RBFOX1: variants seen among roughly 807,000 people sequenced by gnomAD.
RBFOX1 encodes RNA binding fox-1 homolog 1.
In RBFOX1, 8 loss-of-function variants were observed where a neutral mutation model predicts 57.7. The observed-to-expected ratio is 0.14, with a 90% CI of 0.08 to 0.25. The LOEUF (loss-of-function observed/expected upper bound fraction) is 0.25, where lower values mean the gene tolerates loss of function less well. Ranked by LOEUF, RBFOX1 falls within the 10% of genes least tolerant of loss-of-function variation. The pLI is 1.00. For missense variants in RBFOX1, 611 were observed against 548.5 expected (o/e 1.11, Z -1.14); for synonymous variants, 326 against 222.4 (o/e 1.47, Z -4.15).
chr16:6,436,910 T>C (rs371447840), intron 2 of RBFOX1, among the ~76,000 whole-genome samples: 1 of 152,292 alleles, frequency 6.6e-6, no homozygotes, highest in East Asian at 1.9e-4. Flanking sequence ...GGGGATTTAT[T>C]ATAAATTTTC....
At chr16:5,333,747 G>A (rs2064823721) in intron 1 of RBFOX1, among the ~76,000 whole-genome samples, 1 of 152,158 alleles carries the variant, frequency 6.6e-6, no homozygotes, top group Non-Finnish European at 1.5e-5. Flanking sequence ...GCTATATTAT[G>A]GTGTACTTAT....
rs539566717 is a variant in RBFOX1 at position 6,553,614 on chromosome 16, G to A, written c.-63-100989G>A. Among the ~76,000 whole-genome samples, 16 of 152,302 alleles carry A rather than the reference G, an allele frequency of 1.1e-4. 1 individual carries two copies. In the South Asian group the frequency reaches 3.3e-3, roughly 32 times the overall value. The stretch of plus-strand genomic sequence containing the variant: ...CTCACAAGTTGCCATGGAGGTGAGA[G>A]TAGACGCGGTGGGGATGGACGATCT... On this transcript the variant is annotated intron_variant, in intron 2 of 15. Transcript: ENST00000550418.
At chr16:5,888,092 C>T (rs538407854) in intron 4 of RBFOX1, among the ~76,000 whole-genome samples, 5 of 152,194 alleles carry the variant, frequency 3.3e-5, no homozygotes, top group Non-Finnish European at 7.3e-5. Flanking sequence ...GCTGGCCTCA[C>T]CACCTTCCTC....
At chr16:5,290,246 C>A (rs1324738009) in intron 1 of RBFOX1, among the ~76,000 whole-genome samples, 2 of 152,178 alleles carry the variant, frequency 1.3e-5, no homozygotes, top group Admixed American at 6.5e-5. Flanking sequence ...CCTCTAATCC[C>A]AGCTACTTGG....
At chr16:5,705,207 T>A (rs77769842) in intron 3 of RBFOX1, among the ~76,000 whole-genome samples, 1 of 152,174 alleles carries the variant, frequency 6.6e-6, no homozygotes, top group Admixed American at 6.5e-5. Flanking sequence ...TTCATATTCT[T>A]TCCATCAGCA....
intron 2 of RBFOX1, among the ~76,000 whole-genome samples, chr16:6,648,460 C>T (rs982119344): frequency 2.0e-5 from 3 of 152,000 alleles, no homozygotes; most frequent in African/African-American, 4.8e-5. Context: ...GCTGAAGGAC[C>T]GCATGGTTAT....
chr16:6,975,354 C>T (rs532848553), intron 3 of RBFOX1, among the ~76,000 whole-genome samples: 1 of 152,250 alleles, frequency 6.6e-6, no homozygotes, highest in African/African-American at 2.4e-5. Context: ...CAATCTCCGA[C>T]TCCTGGGTTC....
At chr16:5,867,647 C>T (rs902065645) in intron 4 of RBFOX1, among the ~76,000 whole-genome samples, 8 of 152,146 alleles carry the variant, frequency 5.3e-5, no homozygotes, top group African/African-American at 1.9e-4. Flanking sequence ...CCTCCACTGT[C>T]TGTATTATAT....
intron 4 of RBFOX1, among the ~76,000 whole-genome samples, chr16:5,971,356 A>G (rs111809409): frequency 6.6e-6 from 1 of 152,218 alleles, no homozygotes; most frequent in African/African-American, 2.4e-5. Flanking sequence ...GAGGAAGTTC[A>G]TAGAAGGTGT....
chr16:7,693,599 G>A (rs531895886), intron 14 of RBFOX1, among the ~76,000 whole-genome samples: 2 of 151,906 alleles, frequency 1.3e-5, no homozygotes, highest in Non-Finnish European at 2.9e-5. Context: ...AATAATACAT[G>A]GTCCAGAAAA....
chr16:5,819,186 C>G (rs1333654831), intron 3 of RBFOX1, among the ~76,000 whole-genome samples: 1 of 152,190 alleles, frequency 6.6e-6, no homozygotes, highest in Admixed American at 6.5e-5. Context: ...AAGGTGTCAG[C>G]AGCTTCAGTG....
intron 4 of RBFOX1, among the ~76,000 whole-genome samples, chr16:7,247,316 C>G (rs1265241317): frequency 1.3e-5 from 2 of 152,300 alleles, no homozygotes; most frequent in Admixed American, 6.5e-5. Context: ...GCAAGTCTCA[C>G]AGACACACCC....
At chr16:7,213,130 C>T (rs994893261) in intron 4 of RBFOX1, among the ~76,000 whole-genome samples, 38 of 152,224 alleles carry the variant, frequency 2.5e-4, no homozygotes, top group African/African-American at 8.9e-4. Context: ...ATAGGTTATC[C>T]AGACCCTGAA....
rs943290610 is a variant in RBFOX1, at chr16:5,954,275, A to G, written c.351+86940A>G. The stretch of plus-strand genomic sequence containing the variant: ...CCTTGTGACAGACCCCCACCCACCC[A>G]CCTCTGGAGAGATGGACAGGCCCTC... On this transcript the variant is annotated intron_variant, in intron 4 of 19. Coordinates refer to the RBFOX1 transcript ENST00000641259. Among the ~76,000 whole-genome samples, 3 of 151,782 alleles carry G rather than the reference A, an allele frequency of 2.0e-5. 1 individual carries two copies. The highest frequency in any genetic ancestry group is 4.2e-4 in the South Asian group (2 of 4,798).
At chr16:6,424,006 G>A (rs1428117065) in intron 2 of RBFOX1, among the ~76,000 whole-genome samples, 2 of 152,108 alleles carry the variant, frequency 1.3e-5, no homozygotes, top group African/African-American at 4.8e-5. Context: ...TTGGGAGGCC[G>A]AGGCAGGTGG....
chr16:5,705,225 C>T (rs924439127), intron 3 of RBFOX1, among the ~76,000 whole-genome samples: 1 of 152,130 alleles, frequency 6.6e-6, no homozygotes, highest in Non-Finnish European at 1.5e-5. Flanking sequence ...GCACCAAAAC[C>T]AGCACCATCC....
chr16:7,268,582 C>T (rs1047555596), intron 4 of RBFOX1, among the ~76,000 whole-genome samples: 18 of 152,168 alleles, frequency 1.2e-4, no homozygotes, highest in East Asian at 1.9e-4. Context: ...ACAGATTATG[C>T]GCTGGATGGT....
rs111868210 is a variant in RBFOX1, at chr16:5,249,786, C to G, written c.219+9681C>G. Among the ~76,000 whole-genome samples the G allele has an allele frequency of 1.2e-4, 19 of 152,240 alleles. 1 individual carries two copies. The highest frequency in any genetic ancestry group is 1.2e-3 in the Admixed American group (18 of 15,290). Reference sequence around the variant, plus strand: ...CCAGCTTGGCCAAAATAGTGAAACCCTGTCTCTACAAAAAATACAAAAGTT... The same window carrying G: ...CCAGCTTGGCCAAAATAGTGAAACCGTGTCTCTACAAAAAATACAAAAGTT... On this transcript the variant is annotated intron_variant, in intron 1 of 2. Transcript: ENST00000585867.
chr16:5,581,295 C>A (rs917708337), intron 2 of RBFOX1, among the ~76,000 whole-genome samples: 1 of 152,192 alleles, frequency 6.6e-6, no homozygotes, highest in East Asian at 1.9e-4. Flanking sequence ...AGACTTTGGG[C>A]GGAGACAGAG....
Sources: gnomAD v4.1 joint callset for allele counts (sites outside exome capture counted in the v4.1 genomes callset) on GRCh38, gnomAD v4.1.1 for gene constraint, MANE v1.5 for transcripts, NCBI Gene and HGNC (gene_info 2026-07-23, HGNC 2026-07-21) for gene names.